Variants in WASHC3 observed in about 807,000 individuals in gnomAD.
The protein encoded by WASHC3 is WASH complex subunit 3.
A neutral mutation model predicts 26.1 loss-of-function variants in WASHC3; 24 were observed. The ratio of observed to expected loss-of-function variants is 0.92; its 90% confidence interval spans 0.66 to 1.29. The LOEUF is 1.29. Ranked by LOEUF, WASHC3 falls within the 50% of genes most tolerant of loss-of-function variation. The pLI is 0.00. For synonymous variants in WASHC3, 77 were observed against 75.7 expected (o/e 1.02, Z -0.09); for missense variants, 214 against 229.6 (o/e 0.93, Z 0.44).
At chr12:102,025,029 T>C (rs1243892467) in intron 6 of WASHC3, among the ~76,000 whole-genome samples, 1 of 152,180 alleles carries the variant, frequency 6.6e-6, no homozygotes, top group Non-Finnish European at 1.5e-5. Context: ...TTGTAGACTT[T>C]AAAAGAATTC....
chr12:102,018,994 T>C (rs1246058084), intron 6 of WASHC3, among the ~76,000 whole-genome samples: 1 of 152,150 alleles, frequency 6.6e-6, no homozygotes, highest in East Asian at 1.9e-4. Flanking sequence ...AGACAGGGTT[T>C]CGCCATGTTG....
At chr12:102,048,459 G>A (rs1408510717) in intron 2 of WASHC3, 1 of 152,220 alleles carries the variant, frequency 6.6e-6, no homozygotes, top group Non-Finnish European at 1.5e-5. Flanking sequence ...CAGCTACTCA[G>A]GAGGCTGAGG....
Position 102,029,227 on chromosome 12 carries a change from G to C in WASHC3, c.436-3189C>G, listed in dbSNP as rs181157185. Among the ~76,000 whole-genome samples, 372 of 152,310 alleles carry C rather than the reference G, an allele frequency of 2.4e-3. 1 individual carries two copies. Among genetic ancestry groups the C allele is most frequent in the Non-Finnish European group, 3.9e-3 (264 of 68,012 alleles). ...CACCAAAAAGAAGTGTCCAATTTCT[G>C]ATCGCCAACAGACAAAGCTACTGGT... On this transcript the variant is annotated intron_variant, in intron 5 of 6. Coordinates refer to ENST00000240079, the MANE Select transcript of WASHC3 (RefSeq NM_016053.4).
In WASHC3 at chr12:102,055,071, TGAAA is replaced by T. The variant is rs540271761; in HGVS notation, c.150+6173_150+6176del. 3.6e-4 allele frequency among the ~76,000 whole-genome samples: 55 copies of T among 151,114 alleles called. No individual in the cohort carries two copies. The South Asian group carries it at 0.011, about 31-fold the overall frequency. ...TAATAATGATCGGAACAGAAAAAAA[TGAAA>T]GAGACTAGAAAAACAATAGAAAAGA... On this transcript the variant is annotated intron_variant, in intron 2 of 6. Transcript: ENST00000240079.
intron 6 of WASHC3, among the ~76,000 whole-genome samples, chr12:102,023,026 ATGAT>A (rs765258212): frequency 2.6e-4 from 40 of 152,180 alleles, no homozygotes; most frequent in Non-Finnish European, 5.1e-4. Context: ...TTATATATAA[ATGAT>A]TATTTTCAAA....
intron 2 of WASHC3, among the ~76,000 whole-genome samples, chr12:102,049,271 C>T (rs916742392): frequency 1.3e-5 from 2 of 152,164 alleles, no homozygotes; most frequent in Non-Finnish European, 2.9e-5. Context: ...GCCATATGTC[C>T]CCTGGTTGAG....
chr12:102,048,871 T>C (rs1430102634), intron 2 of WASHC3, among the ~76,000 whole-genome samples: 1 of 152,216 alleles, frequency 6.6e-6, no homozygotes, highest in Non-Finnish European at 1.5e-5. Flanking sequence ...AAAGGGTCCA[T>C]GGCATGATTA....
chr12:102,057,342 C>T (rs986661525), intron 2 of WASHC3, among the ~76,000 whole-genome samples: 2 of 152,000 alleles, frequency 1.3e-5, no homozygotes, highest in African/African-American at 4.8e-5. Flanking sequence ...AGTTTTTCCT[C>T]TAAGATGAGG....
At chr12:102,029,952 G>T (rs1307985537) in intron 5 of WASHC3, among the ~76,000 whole-genome samples, 1 of 152,090 alleles carries the variant, frequency 6.6e-6, no homozygotes, top group Non-Finnish European at 1.5e-5. Context: ...TTAATAAAAT[G>T]GACTCAATCA....
chr12:102,020,420 T>A (rs1451000383), intron 6 of WASHC3, among the ~76,000 whole-genome samples: 1 of 152,204 alleles, frequency 6.6e-6, no homozygotes. Context: ...TGAGTTGGTT[T>A]CTGCCATCCT....
chr12:102,044,017 A>G (rs1878051050), intron 4 of WASHC3, 88 bp downstream of exon 4: 1 of 560,384 alleles, frequency 1.8e-6, no homozygotes, highest in African/African-American at 1.9e-5. Flanking sequence ...TAGAAGTTTT[A>G]CATGTTTATT....
upstream of WASHC3, chr12:102,062,026 C>G (rs1878837215): frequency 1.4e-6 from 2 of 1,408,524 alleles, no homozygotes; most frequent in Admixed American, 4.0e-5. Flanking sequence ...GCCCGCCCAA[C>G]CCGGTAATCA....
chr12:102,026,517 TC>T (rs1235500658), intron 5 of WASHC3, among the ~76,000 whole-genome samples: 6 of 152,112 alleles, frequency 3.9e-5, no homozygotes, highest in African/African-American at 1.4e-4. Context: ...GACACAAAAA[TC>T]AAATCTAATT....
At chr12:102,057,896 A>C (rs1009073703) in intron 2 of WASHC3, among the ~76,000 whole-genome samples, 20 of 152,166 alleles carry the variant, frequency 1.3e-4, no homozygotes, top group Admixed American at 7.9e-4. Context: ...TTTCACAGTA[A>C]TAGAAAAAAA....
At chr12:102,062,111 A>C, upstream of WASHC3, 2 of 609,412 alleles carry the variant, frequency 3.3e-6, no homozygotes, top group Non-Finnish European at 5.7e-6. Context: ...CTCACTAATC[A>C]CTCGGCGGCT....
At chr12:102,042,789 C>T (rs2136671078) in intron 4 of WASHC3, among the ~76,000 whole-genome samples, 1 of 152,230 alleles carries the variant, frequency 6.6e-6, no homozygotes, top group South Asian at 2.1e-4. Flanking sequence ...GGCAGAATTC[C>T]ATTTATAAAT....
At chr12:102,022,639 T>C (rs962231914) in intron 6 of WASHC3, among the ~76,000 whole-genome samples, 2 of 152,184 alleles carry the variant, frequency 1.3e-5, no homozygotes, top group African/African-American at 4.8e-5. Context: ...TTAACTATCA[T>C]GAATTTCATG....
chr12:102,025,301 C>A (rs1877127109), intron 6 of WASHC3, among the ~76,000 whole-genome samples: 2 of 152,008 alleles, frequency 1.3e-5, no homozygotes, highest in South Asian at 4.2e-4. Flanking sequence ...TATATTTTAT[C>A]CAAGATGAAC....
chr12:102,017,366 G>A lies in WASHC3; in HGVS notation c.501-4174C>T, dbSNP rs1876751656. Among the ~76,000 whole-genome samples the A allele has an allele frequency of 2.0e-5, 3 of 152,084 alleles. No individual in the cohort carries two copies. In the South Asian group the frequency reaches 6.2e-4, roughly 32 times the overall value. ...GCACGGCTGTATATATACAAATAAG[G>A]CTGAACTGTTTGTGTGAAAAGAAAA... On this transcript the variant is annotated intron_variant, in intron 6 of 6. Coordinates refer to ENST00000240079, the MANE Select transcript of WASHC3 (RefSeq NM_016053.4).
Sources: allele counts gnomAD v4.1 joint callset (sites outside exome capture counted in the v4.1 genomes callset), GRCh38; gene constraint gnomAD v4.1.1; transcripts MANE v1.5; gene names NCBI Gene and HGNC (gene_info 2026-07-23, HGNC 2026-07-21).